GLMN: variants seen among roughly 807,000 people sequenced by gnomAD.
GLMN encodes the protein glomulin, FKBP associated protein, also known as glomulin.
In GLMN, 75 loss-of-function variants were observed where a neutral mutation model predicts 87.8. The observed-to-expected ratio is 0.85, with a 90% CI of 0.71 to 1.04. The LOEUF (loss-of-function observed/expected upper bound fraction) is 1.04, where lower values mean the gene tolerates loss of function less well. Ranked by LOEUF, GLMN falls within the 50% of genes least tolerant of loss-of-function variation. The pLI is 0.00. For missense variants in GLMN, 588 were observed against 658.8 expected, an observed-to-expected ratio of 0.89 and a Z score of 1.18; for synonymous variants, 206 against 221.6, an observed-to-expected ratio of 0.93 and a Z score of 0.63.
Position 92,266,685 on chromosome 1 carries a change from C to CA in GLMN, c.1140+14dup. On this transcript the variant is annotated intron_variant, in intron 12 of 18. Transcript: ENST00000370360. ...CTGTAACTCATTATTCTTTAGTCAC[C>CA]AAATATTTACATACCAGTGTCTCAA... The CA allele has an allele frequency of 6.5e-7, 1 of 1,542,002 alleles. No individual in the cohort carries two copies. The highest frequency in any genetic ancestry group is 9.0e-7 in the Non-Finnish European group (1 of 1,116,538).
chr1:92,355,136 C>A, the GLMN span, among the ~76,000 whole-genome samples: 3 of 151,866 alleles, frequency 2.0e-5, no homozygotes, highest in African/African-American at 7.3e-5. Flanking sequence ...CTCAAGCAAT[C>A]CTCCCACCTT....
chr1:92,320,613 A>C, the GLMN span: 1 of 1,611,378 alleles, frequency 6.2e-7, no homozygotes, highest in East Asian at 2.2e-5. Flanking sequence ...CCTGATTTTC[A>C]ACTGCTAAAG....
chr1:92,328,871 G>C, the GLMN span, among the ~76,000 whole-genome samples: 1 of 152,182 alleles, frequency 6.6e-6, no homozygotes, highest in African/African-American at 2.4e-5. Context: ...TTCCCCTAGG[G>C]ATGGGGCTTC....
chr1:92,255,580 A>G (rs1654114550), intron 16 of GLMN, among the ~76,000 whole-genome samples: 1 of 152,244 alleles, frequency 6.6e-6, no homozygotes, highest in Non-Finnish European at 1.5e-5. Flanking sequence ...CCACAGTGCA[A>G]TCAAAGTAGA....
At chr1:92,345,055 T>C in the GLMN span, among the ~76,000 whole-genome samples, 1 of 152,156 alleles carries the variant, frequency 6.6e-6, no homozygotes, top group Non-Finnish European at 1.5e-5. Flanking sequence ...TTTTAAAAAC[T>C]GAACTTTTCT....
chr1:92,268,586 A>G (rs1655905327), intron 9 of GLMN, among the ~76,000 whole-genome samples: 1 of 152,258 alleles, frequency 6.6e-6, no homozygotes, highest in Non-Finnish European at 1.5e-5. Flanking sequence ...CAGAAACTAA[A>G]TGTAATGAAT....
intron 6 of GLMN, 119 bp from the exon 7 acceptor site, chr1:92,286,711 G>A: frequency 1.5e-6 from 1 of 689,546 alleles, no homozygotes; most frequent in Non-Finnish European, 2.6e-6. Context: ...TGGTTTGAAT[G>A]ACTCTGCTCT....
chr1:92,321,893 ATTCCTGTAAT>A, the GLMN span, among the ~76,000 whole-genome samples: 1 of 148,964 alleles, frequency 6.7e-6, no homozygotes, highest in African/African-American at 2.5e-5. Flanking sequence ...TCTAAACACA[ATTCCTGTAAT>A]TTTTTTTTTT....
chr1:92,336,397 C>A, the GLMN span: 1 of 1,609,634 alleles, frequency 6.2e-7, no homozygotes, highest in Non-Finnish European at 8.5e-7. Context: ...GATATTTACA[C>A]ACAACTTAAA....
At chr1:92,363,336 C>T in the GLMN span, among the ~76,000 whole-genome samples, 2 of 152,194 alleles carry the variant, frequency 1.3e-5, no homozygotes, top group East Asian at 1.9e-4. Flanking sequence ...TGGAACAGGG[C>T]AGGTCTCAGA....
At chr1:92,365,717 T>G in the GLMN span, among the ~76,000 whole-genome samples, 1 of 152,238 alleles carries the variant, frequency 6.6e-6, no homozygotes, top group East Asian at 1.9e-4. Flanking sequence ...TTTGTACGTT[T>G]TATTTGGTTA....
the GLMN span, among the ~76,000 whole-genome samples, chr1:92,313,854 CT>C: frequency 6.6e-6 from 1 of 152,236 alleles, no homozygotes; most frequent in Non-Finnish European, 1.5e-5. Flanking sequence ...TACATCAGCA[CT>C]TGTGGCTTCA....
At chr1:92,252,016 T>TCTAA (rs150870192) in intron 16 of GLMN, among the ~76,000 whole-genome samples, 1,634 of 152,180 alleles carry the variant, frequency 0.011, 35 homozygotes, top group African/African-American at 0.038. Flanking sequence ...CTGGCTGGTC[T>TCTAA]CTAACTCCTA....
intron 6 of GLMN, among the ~76,000 whole-genome samples, chr1:92,287,674 T>G (rs1044935423): frequency 2.5e-4 from 38 of 151,936 alleles, no homozygotes; most frequent in Admixed American, 2.5e-3. Flanking sequence ...ACCTGACAAG[T>G]AGGAAGCTAA....
the GLMN span, among the ~76,000 whole-genome samples, chr1:92,335,130 G>A: frequency 6.6e-6 from 1 of 152,078 alleles, no homozygotes; most frequent in Admixed American, 6.6e-5. Flanking sequence ...CTCCATAGTG[G>A]GTGTACTAAT....
chr1:92,365,146 A>G, the GLMN span, among the ~76,000 whole-genome samples: 1 of 152,110 alleles, frequency 6.6e-6, no homozygotes, highest in Non-Finnish European at 1.5e-5. Context: ...TTAACACCCC[A>G]CAGTCAGAAA....
chr1:92,348,786 A>G, the GLMN span, among the ~76,000 whole-genome samples: 1 of 152,240 alleles, frequency 6.6e-6, no homozygotes, highest in African/African-American at 2.4e-5. Flanking sequence ...ATTGACTTCT[A>G]TAAAGTATAA....
intron 8 of GLMN, 143 bp downstream of exon 8, chr1:92,271,322 G>A (rs1255998026): frequency 1.4e-6 from 1 of 699,594 alleles, no homozygotes; most frequent in Non-Finnish European, 2.5e-6. Context: ...GATTATAGCT[G>A]GGATCATTCT....
chr1:92,312,444 T>C, the GLMN span, among the ~76,000 whole-genome samples: 2 of 151,798 alleles, frequency 1.3e-5, no homozygotes, highest in African/African-American at 2.4e-5. Flanking sequence ...TTGAAGTCAG[T>C]CCTCTCAAAC....
Sources: gnomAD v4.1 joint callset for allele counts (sites outside exome capture counted in the v4.1 genomes callset) on GRCh38, gnomAD v4.1.1 for gene constraint, MANE v1.5 for transcripts, NCBI Gene and HGNC (gene_info 2026-07-23, HGNC 2026-07-21) for gene names.